PEAK1: variants seen among roughly 807,000 people sequenced by gnomAD.
PEAK1 encodes inactive tyrosine-protein kinase PEAK1.
PEAK1 carries 54 observed loss-of-function variants against 124.7 expected under a neutral mutation model. That is an observed-to-expected ratio of 0.43 (90% CI 0.35 to 0.54). The LOEUF (loss-of-function observed/expected upper bound fraction) is 0.54. PEAK1 is among the 20% of genes least tolerant of loss of function. The pLI, the probability that PEAK1 is intolerant of heterozygous loss-of-function variation, is 0.01. For synonymous variants in PEAK1, 719 were observed against 760.0 expected (o/e 0.95, Z 0.89); for missense variants, 2,046 against 2,134.5 (o/e 0.96, Z 0.82).
chr15:77,202,611 TA>T (rs542702512), intron 6 of PEAK1, among the ~76,000 whole-genome samples: 11 of 143,228 alleles, frequency 7.7e-5, no homozygotes, highest in South Asian at 2.2e-4. Flanking sequence ...CTAAAAAAAA[TA>T]AAAAAAAAAT....
Position 77,240,459 on chromosome 15 carries a change from A to C in PEAK1, c.-115+11908T>G, listed in dbSNP as rs1419681215. Among the ~76,000 whole-genome samples, 4 of 152,048 alleles carry C rather than the reference A, an allele frequency of 2.6e-5. No individual in the cohort carries two copies. In the East Asian group the frequency reaches 7.7e-4, roughly 29 times the overall value. On this transcript the variant is annotated intron_variant, in intron 6 of 9. Coordinates refer to ENST00000682557, the MANE Select transcript of PEAK1 (RefSeq NM_001385026.1). ...ACACAGGAAGTCCGTCTCTACAAAA[A>C]ATAAAAAAAAATGAGCCTGGTGTAG...
chr15:77,132,256 A>G (rs1471423687), intron 9 of PEAK1, among the ~76,000 whole-genome samples: 5 of 142,864 alleles, frequency 3.5e-5, no homozygotes, highest in Non-Finnish European at 6.2e-5. Flanking sequence ...AATTTTTTCT[A>G]TTTTTTTTTT....
At chr15:77,229,548 T>TA (rs1198602294) in intron 6 of PEAK1, among the ~76,000 whole-genome samples, 1 of 152,208 alleles carries the variant, frequency 6.6e-6, no homozygotes, top group Non-Finnish European at 1.5e-5. Flanking sequence ...TCCTCTCCAG[T>TA]AAATCAACAT....
Position 77,257,964 on chromosome 15 carries a change from T to G in PEAK1, c.-274-5438A>C, listed in dbSNP as rs374216517. On this transcript the variant is annotated intron_variant, in intron 5 of 9. Transcript: ENST00000682557. ...TACATATAGCTAGCCAGTTTTCCCATCACCATTTATTAAATAGGGAATCCT... is the reference window on the plus strand; with the variant it reads ...TACATATAGCTAGCCAGTTTTCCCAGCACCATTTATTAAATAGGGAATCCT... Among the ~76,000 whole-genome samples the G allele has an allele frequency of 2.2e-3, 330 of 152,238 alleles. 1 individual carries two copies. Among genetic ancestry groups the G allele is most frequent in the African/African-American group, 7.2e-3 (301 of 41,566 alleles).
chr15:77,133,136 G>T lies in PEAK1; in HGVS notation c.3946C>A (p.Gln1316Lys). Residue 1316 changes from glutamine (Q) to lysine (K), a missense_variant, in exon 9 of 10, where the codon CAG becomes AAG. Gln to Lys is a moderately conservative substitution (Grantham distance 53). Transcript: ENST00000682557. This position sits in a 1 kb window ranked among gnomAD's most constrained non-coding sequence, Gnocchi z 4.2. The stretch of plus-strand genomic sequence containing the variant: ...CAGCTGTCCACTCCAAAACGGAGCT[G>T]GTCTTTCTGCCCAGCCATGAAAAGG... ...EDLFMAGQKD[Q>K]LRFGVDSWSD... The T allele has an allele frequency of 6.2e-7, 1 of 1,614,152 alleles. No individual in the cohort carries two copies.
chr15:77,259,819 G>C (rs79891359), intron 5 of PEAK1, among the ~76,000 whole-genome samples: 3 of 152,124 alleles, frequency 2.0e-5, no homozygotes, highest in Non-Finnish European at 4.4e-5. Context: ...AGTAGAGGGA[G>C]GAAGAATTTA....
intron 6 of PEAK1, among the ~76,000 whole-genome samples, chr15:77,196,202 A>C (rs578095514): frequency 6.6e-6 from 1 of 152,312 alleles, no homozygotes; most frequent in South Asian, 2.1e-4. Context: ...AGCCGGTGAA[A>C]GCCTGAGCAC....
intron 2 of PEAK1, among the ~76,000 whole-genome samples, chr15:77,317,102 G>A (rs1180472018): frequency 6.6e-6 from 1 of 151,806 alleles, no homozygotes; most frequent in Non-Finnish European, 1.5e-5. Context: ...TAAATAAGAT[G>A]CAAAACAATA....
intron 1 of PEAK1, chr15:77,370,659 T>C: frequency 2.1e-6 from 2 of 973,212 alleles, no homozygotes; most frequent in Non-Finnish European, 2.4e-6. Context: ...AGATTTAATG[T>C]GCTGATCAGT....
chr15:77,325,773 G>T (rs2065535142), intron 2 of PEAK1, among the ~76,000 whole-genome samples: 1 of 152,112 alleles, frequency 6.6e-6, no homozygotes, highest in African/African-American at 2.4e-5. Context: ...TGAAAATCCA[G>T]CTGTGCCATA....
chr15:77,263,500 T>C (rs1398864953), intron 5 of PEAK1, among the ~76,000 whole-genome samples: 2 of 151,744 alleles, frequency 1.3e-5, no homozygotes, highest in African/African-American at 4.8e-5. Context: ...AACTAGAAAA[T>C]CTAGAATAAA....
chr15:77,376,172 C>T (rs932352091), intron 1 of PEAK1, among the ~76,000 whole-genome samples: 1 of 151,880 alleles, frequency 6.6e-6, no homozygotes, highest in African/African-American at 2.4e-5. Flanking sequence ...CAACTTGAAA[C>T]TCTTCTGAAT....
At chr15:77,332,548 C>T (rs879814232) in intron 2 of PEAK1, among the ~76,000 whole-genome samples, 8 of 151,676 alleles carry the variant, frequency 5.3e-5, no homozygotes, top group Non-Finnish European at 1.0e-4. Context: ...TGCAGTGAGC[C>T]AAGATTGCAC....
chr15:77,280,060 G>T (rs1432102889), intron 5 of PEAK1, among the ~76,000 whole-genome samples: 1 of 152,136 alleles, frequency 6.6e-6, no homozygotes, highest in Non-Finnish European at 1.5e-5. Flanking sequence ...TCAGTTTTGG[G>T]CCGGGCATAG....
chr15:77,395,058 C>G (rs1277986656), intron 1 of PEAK1, among the ~76,000 whole-genome samples: 1 of 151,976 alleles, frequency 6.6e-6, no homozygotes, highest in Non-Finnish European at 1.5e-5. Flanking sequence ...CAATAAAAAT[C>G]AAGATAAAAT....
At chr15:77,285,295 A>G (rs765076557) in intron 3 of PEAK1, among the ~76,000 whole-genome samples, 2 of 152,192 alleles carry the variant, frequency 1.3e-5, no homozygotes, top group Non-Finnish European at 2.9e-5. Flanking sequence ...TGTCTAGCAC[A>G]TAGTAAGTGC....
At chr15:77,159,354 A>G (rs925526710) in intron 7 of PEAK1, among the ~76,000 whole-genome samples, 3 of 152,222 alleles carry the variant, frequency 2.0e-5, no homozygotes, top group Non-Finnish European at 4.4e-5. Flanking sequence ...ATTAAAATGA[A>G]TCTGAAGCAT....
chr15:77,410,072 TGTG>T (rs1464287911), intron 1 of PEAK1, among the ~76,000 whole-genome samples: 1 of 128,046 alleles, frequency 7.8e-6, no homozygotes, highest in African/African-American at 3.0e-5. Flanking sequence ...GGTGTGTGTG[TGTG>T]TTTTTTTTTT....
At chr15:77,154,676 G>A (rs2054962500) in intron 8 of PEAK1, among the ~76,000 whole-genome samples, 1 of 152,114 alleles carries the variant, frequency 6.6e-6, no homozygotes, top group Non-Finnish European at 1.5e-5. Context: ...TTCAGGGCAG[G>A]CCTGGTGGTG....
Sources: gnomAD v4.1 joint callset for allele counts (sites outside exome capture counted in the v4.1 genomes callset) on GRCh38, gnomAD v4.1.1 for gene constraint, Gnocchi (gnomAD v3.1) non-coding constraint, MANE v1.5 for transcripts, NCBI Gene and HGNC (gene_info 2026-07-23, HGNC 2026-07-21) for gene names.